The following RBM46 variants were observed in gnomAD, a reference collection of about 807,000 sequenced individuals.
The protein encoded by RBM46 is RNA binding motif protein 46, also known as probable RNA-binding protein 46.
Under a neutral mutation model 43.3 loss-of-function variants are expected in RBM46, and 12 were observed. The observed-to-expected ratio is 0.28, with a 90% confidence interval of 0.18 to 0.45. The LOEUF is 0.45. Ranked by LOEUF, RBM46 falls within the 20% of genes least tolerant of loss-of-function variation. The pLI is 1.00. For missense variants in RBM46, 412 were observed against 639.1 expected (o/e 0.64, Z 3.83); for synonymous variants, 205 against 207.6 (o/e 0.99, Z 0.11).
chr4:154,794,542 A>G (rs1380440439), intron 1 of RBM46, among the ~76,000 whole-genome samples: 1 of 151,998 alleles, frequency 6.6e-6, no homozygotes, highest in African/African-American at 2.4e-5. Context: ...AAATGAAAGA[A>G]CCTGTTACTT....
chr4:154,816,544 A>G (rs1735453314), intron 4 of RBM46, among the ~76,000 whole-genome samples: 2 of 152,240 alleles, frequency 1.3e-5, no homozygotes, highest in Non-Finnish European at 1.5e-5. Context: ...TTTATGTGAA[A>G]ACGATTTATT....
Position 154,798,099 on chromosome 4 carries a change from C to T in RBM46, c.440C>T (p.Ala147Val). ...GATAATTGTAGATTATTTATTGGAG[C>T]TATTCCCAAGGAAAAGAAGAAAGAA... The part of the protein sequence containing the change: ...SLDNCRLFIG[A>V]IPKEKKKEEI... The change falls in exon 3 of 5, where the codon GCT (alanine) becomes GTT (valine). Residue 147 changes from alanine to valine, a missense_variant. By Grantham distance (64) the Ala-to-Val change is moderately conservative. This residue lies in a region of RBM46 where 48 missense variants were observed against 78.9 expected (regional missense o/e 0.61). Coordinates refer to ENST00000281722, the MANE Select transcript of RBM46 (RefSeq NM_144979.5). 6.2e-7 allele frequency: 1 copy of T among 1,613,740 alleles called. No homozygotes were observed. Among genetic ancestry groups the T allele is most frequent in the African/African-American group, 1.3e-5 (1 of 74,948 alleles).
chr4:154,790,620 A>T (rs1052160360), intron 1 of RBM46: 1 of 152,230 alleles, frequency 6.6e-6, no homozygotes, highest in Admixed American at 6.5e-5. Flanking sequence ...ATTCTATGAT[A>T]TTACAATTAT....
At chr4:154,784,536 GT>G (rs1445293332) in intron 1 of RBM46, among the ~76,000 whole-genome samples, 6 of 152,092 alleles carry the variant, frequency 3.9e-5, no homozygotes, top group South Asian at 2.1e-4. Flanking sequence ...CCTTAGAGAG[GT>G]TTTTTCCTTC....
chr4:154,821,990 G>C (rs1735741287), intron 4 of RBM46, among the ~76,000 whole-genome samples: 1 of 151,754 alleles, frequency 6.6e-6, no homozygotes. Flanking sequence ...CTTGTTTTAA[G>C]AAATTCTTGC....
chr4:154,819,131 G>T (rs1735604279), intron 4 of RBM46, among the ~76,000 whole-genome samples: 1 of 152,124 alleles, frequency 6.6e-6, no homozygotes, highest in Non-Finnish European at 1.5e-5. Flanking sequence ...ATGAAAAATT[G>T]TGGAGACAAT....
intron 4 of RBM46, among the ~76,000 whole-genome samples, chr4:154,817,256 C>T (rs1297893662): frequency 6.6e-6 from 1 of 151,290 alleles, no homozygotes; most frequent in Non-Finnish European, 1.5e-5. Context: ...TTTTTAGCCC[C>T]TCTTTTATTA....
At chr4:154,823,130 G>A (rs1735795919) in intron 4 of RBM46, among the ~76,000 whole-genome samples, 1 of 151,848 alleles carries the variant, frequency 6.6e-6, no homozygotes, top group South Asian at 2.1e-4. Flanking sequence ...GCTACAACAT[G>A]TATGAGCCTT....
intron 4 of RBM46, chr4:154,820,448 C>T: frequency 1.6e-6 from 2 of 1,281,256 alleles, no homozygotes; most frequent in South Asian, 2.8e-5. Context: ...GTAAAACTCT[C>T]TTAGGAATAT....
At chr4:154,815,001 TA>T (rs1338770182) in intron 4 of RBM46, among the ~76,000 whole-genome samples, 1 of 152,004 alleles carries the variant, frequency 6.6e-6, no homozygotes, top group Non-Finnish European at 1.5e-5. Flanking sequence ...GACTCTTTTG[TA>T]TTTTCCCCAG....
intron 4 of RBM46, among the ~76,000 whole-genome samples, chr4:154,819,138 C>T (rs1735604919): frequency 2.0e-5 from 3 of 152,054 alleles, no homozygotes; most frequent in African/African-American, 4.8e-5. Flanking sequence ...ATTGTGGAGA[C>T]AATTTGAAGG....
chr4:154,799,064 T>C lies in RBM46; in HGVS notation c.902T>C (p.Ile301Thr). The change falls in exon 4 of 5, where the codon ATT becomes ACT. Residue 301 changes from isoleucine (I) to threonine (T), a missense_variant. Ile to Thr is a moderately conservative substitution (Grantham distance 89). Transcript: ENST00000281722. The stretch of plus-strand genomic sequence containing the variant: ...GGAAAATGCATTGATGGAGCAAGTA[T>C]TGAGGTAACACTAGCTAAACCAGTA... ...MNGKCIDGAS[I>T]EVTLAKPVNK... 1 of 1,614,084 alleles carries C rather than the reference T, an allele frequency of 6.2e-7. No homozygotes were observed. The highest frequency in any genetic ancestry group is 8.5e-7 in the Non-Finnish European group (1 of 1,180,026).
chr4:154,805,416 T>G (rs1481341626), intron 4 of RBM46, among the ~76,000 whole-genome samples: 1 of 152,160 alleles, frequency 6.6e-6, no homozygotes, highest in East Asian at 1.9e-4. Context: ...GTATATTGCT[T>G]CTTATATTTG....
At chr4:154,782,405 C>T (rs1733531817) in intron 1 of RBM46, among the ~76,000 whole-genome samples, 1 of 152,124 alleles carries the variant, frequency 6.6e-6, no homozygotes, top group Admixed American at 6.5e-5. Context: ...TGATAAATTC[C>T]CCGTAACCTT....
intron 4 of RBM46, among the ~76,000 whole-genome samples, chr4:154,804,875 G>GCTT (rs928701287): frequency 1.4e-5 from 2 of 139,032 alleles, no homozygotes; most frequent in Admixed American, 7.5e-5. Context: ...TGCTAAGTGT[G>GCTT]CTTTCCTAAG....
rs773841362 is a variant in RBM46, at chr4:154,798,782, G to A, written c.620G>A (p.Gly207Glu). ...TCAAATTATTATTTTTTTTTTACAG[G>A]AACATTCCAACTATGGGGCCACACC... ...AAMARRKLIP[G>E]TFQLWGHTIQ... Residue 207 changes from glycine (G) to glutamate (E), a missense_variant and splice_region_variant, in exon 4 of 5, where the codon GGA (glycine) becomes GAA (glutamate). Coordinates refer to ENST00000281722, the MANE Select transcript of RBM46 (RefSeq NM_144979.5). 7 of 1,444,828 alleles carry A rather than the reference G, an allele frequency of 4.8e-6. No individual in the cohort carries two copies. Among genetic ancestry groups the A allele is most frequent in the Non-Finnish European group, 5.5e-6 (6 of 1,099,368 alleles). The allele number at this position is 1,444,828 out of a possible 1,614,324, so 89.5% of individuals were successfully genotyped here. A position where few individuals can be genotyped will look rare whatever the true frequency, so the allele number is the denominator to read the frequency against.
intron 4 of RBM46, chr4:154,826,712 C>A (rs1735980056): frequency 5.8e-6 from 6 of 1,040,560 alleles, no homozygotes; most frequent in South Asian, 1.5e-5. Flanking sequence ...GGAAATTAAA[C>A]CTATATTTAA....
intron 1 of RBM46, among the ~76,000 whole-genome samples, chr4:154,789,019 C>T (rs1189401784): frequency 1.3e-5 from 2 of 152,076 alleles, no homozygotes; most frequent in South Asian, 2.1e-4. Flanking sequence ...TTTTGCACAA[C>T]GCTTTTGTAT....
chr4:154,828,265 TATTC>T lies in RBM46; in HGVS notation c.*200_*203del. 1 of 565,168 alleles carries T rather than the reference TATTC, an allele frequency of 1.8e-6. No individual in the cohort carries two copies. Among genetic ancestry groups the T allele is most frequent in the Non-Finnish European group, 3.1e-6 (1 of 320,454 alleles). The allele number at this position is 565,168 out of a possible 1,614,324, so 35.0% of individuals were successfully genotyped here. Reference sequence around the variant, plus strand: ...TATAAAAATGCAAAGTTTAAAAAGTTATTCAGTGGTTTCTCTTGATAAAGGTACA... The same window carrying T: ...TATAAAAATGCAAAGTTTAAAAAGTTAGTGGTTTCTCTTGATAAAGGTACA... On this transcript the variant is annotated 3_prime_UTR_variant, in exon 5 of 5. Transcript: ENST00000281722.
Sources: allele counts gnomAD v4.1 joint callset (sites outside exome capture counted in the v4.1 genomes callset), GRCh38; gene constraint gnomAD v4.1.1; regional missense constraint gnomAD v4.1.1; transcripts MANE v1.5; gene names NCBI Gene and HGNC (gene_info 2026-07-23, HGNC 2026-07-21).